The following TXNDC16 variants were observed in gnomAD, a reference collection of about 807,000 sequenced individuals.
TXNDC16 encodes the protein thioredoxin domain containing 16, also known as thioredoxin domain-containing protein 16.
Under a neutral mutation model 85.6 loss-of-function variants are expected in TXNDC16, and 74 were observed. The observed-to-expected ratio is 0.86, with a 90% CI of 0.72 to 1.05. The LOEUF is 1.05. Among genes scored for constraint, TXNDC16 ranks in the 50% least tolerant of loss-of-function variants. The pLI is 0.00. For synonymous variants in TXNDC16, 335 were observed against 326.5 expected, an observed-to-expected ratio of 1.03 and a Z score of -0.28; for missense variants, 959 against 947.0, an observed-to-expected ratio of 1.01 and a Z score of -0.17.
intron 12 of TXNDC16, among the ~76,000 whole-genome samples, chr14:52,483,286 A>G (rs925096875): frequency 6.6e-6 from 1 of 152,190 alleles, no homozygotes; most frequent in African/African-American, 2.4e-5. Flanking sequence ...GAAAACTGGT[A>G]AACAAAACAG....
intron 6 of TXNDC16, among the ~76,000 whole-genome samples, chr14:52,530,458 A>ATATATATTATATATTATTATATATAATAT (rs2037517791): frequency 4.8e-4 from 1 of 2,102 alleles, no homozygotes; most frequent in East Asian, 0.1. Context: ...TTATATAATA[A>ATATATATTATATATTATTATATATAATAT]TATATATTAT....
At chr14:52,510,340 T>C (rs988059599) in intron 9 of TXNDC16, among the ~76,000 whole-genome samples, 2 of 152,344 alleles carry the variant, frequency 1.3e-5, no homozygotes, top group South Asian at 4.1e-4. Flanking sequence ...CAATATTCCT[T>C]AAGGAGCCCT....
Position 52,536,781 on chromosome 14 carries a change from C to A in TXNDC16, c.330G>T (p.Leu110Phe). Residue 110 changes from leucine to phenylalanine, a missense_variant, in exon 6 of 21, where the codon TTG becomes TTT. By Grantham distance (22) the Leu-to-Phe change is conservative. Coordinates refer to ENST00000281741, the MANE Select transcript of TXNDC16 (RefSeq NM_020784.3). ...MKAYLFKGNILLREFPTDTLF... is the reference protein window; with the variant it reads ...MKAYLFKGNIFLREFPTDTLF... ...AGGTGTCAGTAGGGAATTCTCTGAG[C>A]AATATGTTGCCCCTATAAAAAGTTT... The A allele has an allele frequency of 6.2e-7, 1 of 1,610,408 alleles. No individual in the cohort carries two copies. Among genetic ancestry groups the A allele is most frequent in the Non-Finnish European group, 8.5e-7 (1 of 1,177,974 alleles).
intron 6 of TXNDC16, among the ~76,000 whole-genome samples, chr14:52,527,747 C>T (rs564599927): frequency 1.3e-5 from 2 of 152,232 alleles, no homozygotes; most frequent in South Asian, 4.1e-4. Context: ...TTCTCTAATT[C>T]AGAAGTCTTC....
chr14:52,506,194 A>G (rs2140175232), intron 9 of TXNDC16, among the ~76,000 whole-genome samples: 1 of 152,326 alleles, frequency 6.6e-6, no homozygotes, highest in African/African-American at 2.4e-5. Flanking sequence ...AATCAATAGA[A>G]AAAGAGGGAA....
intron 9 of TXNDC16, among the ~76,000 whole-genome samples, chr14:52,501,074 A>G (rs1356201902): frequency 2.6e-5 from 4 of 152,168 alleles, no homozygotes; most frequent in Non-Finnish European, 1.5e-5. Flanking sequence ...TTAATAATAC[A>G]TCTAAAACAA....
chr14:52,458,087 C>G (rs1156951471), intron 16 of TXNDC16, among the ~76,000 whole-genome samples: 1 of 152,186 alleles, frequency 6.6e-6, no homozygotes, highest in Non-Finnish European at 1.5e-5. Context: ...CCTCAGCAGT[C>G]AGCACTACAT....
intron 6 of TXNDC16, among the ~76,000 whole-genome samples, chr14:52,527,157 G>A (rs780469251): frequency 6.6e-6 from 1 of 152,184 alleles, no homozygotes; most frequent in Non-Finnish European, 1.5e-5. Flanking sequence ...CCAACGAGGG[G>A]CTTGTTGGAG....
intron 7 of TXNDC16, among the ~76,000 whole-genome samples, chr14:52,516,877 G>A (rs1360319993): frequency 2.6e-5 from 4 of 152,008 alleles, no homozygotes; most frequent in African/African-American, 4.8e-5. Flanking sequence ...CTGTCACACT[G>A]TCACTCTCTC....
At chr14:52,434,162 C>T (rs549854932) in intron 20 of TXNDC16, among the ~76,000 whole-genome samples, 92 of 152,322 alleles carry the variant, frequency 6.0e-4, no homozygotes, top group African/African-American at 2.0e-3. Flanking sequence ...GCACTCAAAC[C>T]TGGATGAGAG....
intron 8 of TXNDC16, among the ~76,000 whole-genome samples, chr14:52,512,036 G>C (rs1294810092): frequency 1.3e-5 from 2 of 152,132 alleles, no homozygotes; most frequent in Non-Finnish European, 2.9e-5. Flanking sequence ...TATGGCATTA[G>C]TAGGGTTTGG....
chr14:52,535,667 G>T (rs1257528905), intron 6 of TXNDC16, among the ~76,000 whole-genome samples: 3 of 152,134 alleles, frequency 2.0e-5, no homozygotes, highest in Non-Finnish European at 2.9e-5. Context: ...TTCAGGGGAA[G>T]AGTCCAAGAA....
chr14:52,494,142 G>GATAT lies in TXNDC16; in HGVS notation c.757-3141_757-3138dup, dbSNP rs60266134. 1.4e-3 allele frequency among the ~76,000 whole-genome samples: 206 copies of GATAT among 148,964 alleles called. 1 individual carries two copies. The highest frequency in any genetic ancestry group is 5.5e-3 in the East Asian group (28 of 5,060). ...ATTCTCTTCGGCAATTTTTAGGAAA[G>GATAT]ATATATATATATATATAAAGTACTC... On this transcript the variant is annotated intron_variant, in intron 9 of 20. Coordinates refer to ENST00000281741, the MANE Select transcript of TXNDC16 (RefSeq NM_020784.3).
chr14:52,448,359 T>C (rs575540295), intron 18 of TXNDC16, among the ~76,000 whole-genome samples: 1 of 151,864 alleles, frequency 6.6e-6, no homozygotes, highest in East Asian at 1.9e-4. Flanking sequence ...AGTGGAAACC[T>C]TACAGGACAA....
intron 14 of TXNDC16, among the ~76,000 whole-genome samples, chr14:52,473,145 C>T (rs2035946856): frequency 6.6e-6 from 1 of 152,162 alleles, no homozygotes; most frequent in African/African-American, 2.4e-5. Flanking sequence ...CATTCGCTGC[C>T]AGCCAGTCCT....
At chr14:52,549,575 A>G (rs1234265141) in intron 1 of TXNDC16, among the ~76,000 whole-genome samples, 1 of 151,892 alleles carries the variant, frequency 6.6e-6, no homozygotes, top group Non-Finnish European at 1.5e-5. Context: ...TAGCTCCACT[A>G]ATCCCATTTT....
intron 16 of TXNDC16, among the ~76,000 whole-genome samples, chr14:52,461,129 T>G (rs1222511769): frequency 6.6e-6 from 1 of 151,566 alleles, no homozygotes; most frequent in African/African-American, 2.4e-5. Flanking sequence ...TTTATAACTT[T>G]CCTCACCAAA....
At chr14:52,541,041 G>C (rs2037819510) in intron 4 of TXNDC16, among the ~76,000 whole-genome samples, 1 of 152,052 alleles carries the variant, frequency 6.6e-6, no homozygotes, top group Non-Finnish European at 1.5e-5. Context: ...TTCAAGACCA[G>C]CCTGGCCAAT....
At position 52,476,563 on chromosome 14, in the gene TXNDC16, G is replaced by C. The variant is rs1452277446; in HGVS notation, c.1312+5667C>G. Among the ~76,000 whole-genome samples the C allele has an allele frequency of 1.3e-5, 2 of 151,982 alleles. 1 individual carries two copies. The highest frequency in any genetic ancestry group is 2.9e-5 in the Non-Finnish European group (2 of 67,996). On this transcript the variant is annotated intron_variant, in intron 14 of 20. Coordinates refer to ENST00000281741, the MANE Select transcript of TXNDC16 (RefSeq NM_020784.3). The stretch of plus-strand genomic sequence containing the variant: ...AATGCTCTGGAAAGTCTCAGCAATA[G>C]AATCAAACAAGCAGAAGAAAGAATT...
Sources: allele counts gnomAD v4.1 joint callset (sites outside exome capture counted in the v4.1 genomes callset), GRCh38; gene constraint gnomAD v4.1.1; transcripts MANE v1.5; gene names NCBI Gene and HGNC (gene_info 2026-07-23, HGNC 2026-07-21).